MAF: variants seen among roughly 807,000 people sequenced by gnomAD.
MAF encodes the protein transcription factor Maf.
Under a neutral mutation model 22.0 loss-of-function variants are expected in MAF, and 10 were observed. That is an observed-to-expected ratio of 0.45 (90% CI 0.28 to 0.77). The LOEUF (loss-of-function observed/expected upper bound fraction) is 0.77. MAF is among the 30% of genes least tolerant of loss of function. The probability of loss-of-function intolerance (pLI) is 0.12; values close to 1 mark genes in which losing one functional copy is unlikely to be tolerated. For synonymous variants in MAF, 337 were observed against 255.8 expected (o/e 1.32, Z -3.03); for missense variants, 544 against 548.4 (o/e 0.99, Z 0.08).
chr16:79,218,460 T>C, the MAF span, among the ~76,000 whole-genome samples: 1 of 152,238 alleles, frequency 6.6e-6, no homozygotes, highest in Non-Finnish European at 1.5e-5. Flanking sequence ...TTGTAGAGCG[T>C]AGAACTGGAG....
rs1597842796 is a variant in MAF at position 79,595,729 on chromosome 16, T to A, written c.1119-1176A>T. On this transcript the variant is annotated intron_variant, in intron 1 of 1. Coordinates refer to ENST00000326043, the MANE Select transcript of MAF (RefSeq NM_005360.5). ...AGCCTATATTCCACACAGGTATTAT[T>A]TTTTGCTTTTATTTCTGGGGATAGC... The A allele has an allele frequency of 5.7e-6, 6 of 1,057,296 alleles. No individual in the cohort carries two copies. In the South Asian group the frequency reaches 2.7e-4, roughly 48 times the overall value. The allele number at this position is 1,057,296 out of a possible 1,614,324, so 65.5% of individuals were successfully genotyped here.
At chr16:79,392,145 GGAGAGA>G in the MAF span, among the ~76,000 whole-genome samples, 2 of 148,626 alleles carry the variant, frequency 1.3e-5, no homozygotes, top group Non-Finnish European at 3.0e-5. Flanking sequence ...CTGGGGAGGG[GGAGAGA>G]GAGTGAAGGA....
At chr16:79,362,330 G>C in the MAF span, among the ~76,000 whole-genome samples, 1 of 152,184 alleles carries the variant, frequency 6.6e-6, no homozygotes. Context: ...TTTAGTAACA[G>C]TATTGCTCTC....
chr16:79,309,795 C>T, the MAF span, among the ~76,000 whole-genome samples: 1 of 152,144 alleles, frequency 6.6e-6, no homozygotes, highest in Admixed American at 6.5e-5. Flanking sequence ...TAAACAAAAC[C>T]GGAAGAGCAA....
the MAF span, among the ~76,000 whole-genome samples, chr16:79,511,815 C>T: frequency 1.3e-5 from 2 of 152,200 alleles, no homozygotes; most frequent in Non-Finnish European, 1.5e-5. Context: ...CACACTAGAA[C>T]CAACATTGGA....
the MAF span, among the ~76,000 whole-genome samples, chr16:79,461,746 C>T: frequency 6.6e-6 from 1 of 152,124 alleles, no homozygotes; most frequent in Admixed American, 6.5e-5. Context: ...ACCACATGTG[C>T]CCATGTGGTT....
the MAF span, among the ~76,000 whole-genome samples, chr16:79,243,366 A>G: frequency 6.6e-6 from 1 of 152,006 alleles, no homozygotes; most frequent in African/African-American, 2.4e-5. Context: ...AATTGCAATA[A>G]AAAATGAAAA....
chr16:79,442,117 A>T, the MAF span, among the ~76,000 whole-genome samples: 1 of 152,234 alleles, frequency 6.6e-6, no homozygotes, highest in Admixed American at 6.5e-5. Flanking sequence ...TTGATTTCAG[A>T]CTTGCAGCCT....
the MAF span, among the ~76,000 whole-genome samples, chr16:79,492,221 C>T: frequency 1.3e-5 from 2 of 152,106 alleles, no homozygotes; most frequent in African/African-American, 2.4e-5. Flanking sequence ...AGAATGCAGG[C>T]AGGGAGGCAT....
At chr16:79,254,653 C>T in the MAF span, among the ~76,000 whole-genome samples, 3 of 152,286 alleles carry the variant, frequency 2.0e-5, no homozygotes, top group South Asian at 6.2e-4. Context: ...TCTGCTTCTT[C>T]TAACTGGTCT....
At chr16:79,532,779 C>A in the MAF span, among the ~76,000 whole-genome samples, 110 of 152,292 alleles carry the variant, frequency 7.2e-4, no homozygotes, top group African/African-American at 2.4e-3. Context: ...ATAAAAATAA[C>A]ACAAAAGAAT....
chr16:79,333,195 C>T, the MAF span, among the ~76,000 whole-genome samples: 38 of 152,226 alleles, frequency 2.5e-4, no homozygotes, highest in South Asian at 3.1e-3. Context: ...CTCTTTGGCT[C>T]GCTGGACCAG....
chr16:79,394,038 A>C, the MAF span, among the ~76,000 whole-genome samples: 1 of 152,194 alleles, frequency 6.6e-6, no homozygotes, highest in Admixed American at 6.5e-5. Flanking sequence ...ACAGAAGAGG[A>C]GACGAACGCT....
chr16:79,375,492 AATGATGGTG>A, the MAF span, among the ~76,000 whole-genome samples: 1 of 152,152 alleles, frequency 6.6e-6, no homozygotes, highest in African/African-American at 2.4e-5. Context: ...TGATGAAGAT[AATGATGGTG>A]ATGATGATGA....
chr16:79,553,682 C>A, the MAF span, among the ~76,000 whole-genome samples: 34 of 152,232 alleles, frequency 2.2e-4, 1 homozygote, highest in Admixed American at 2.0e-4. Context: ...TCTCAGTGTT[C>A]TTTCCTCTGT....
the MAF span, among the ~76,000 whole-genome samples, chr16:79,336,954 G>GA: frequency 1.3e-5 from 2 of 151,996 alleles, no homozygotes; most frequent in African/African-American, 4.8e-5. Flanking sequence ...TTAAAGCAAG[G>GA]AAAAAATAAA....
At chr16:79,547,920 T>TAGAGAG in the MAF span, among the ~76,000 whole-genome samples, 17 of 120,982 alleles carry the variant, frequency 1.4e-4, no homozygotes, top group Middle Eastern at 3.7e-3. Flanking sequence ...GAGAGAGAGA[T>TAGAGAG]AGAGAGAGAG....
At chr16:79,249,428 A>G in the MAF span, among the ~76,000 whole-genome samples, 1 of 151,718 alleles carries the variant, frequency 6.6e-6, no homozygotes, top group South Asian at 2.1e-4. Context: ...CAAAAAAAAA[A>G]AAAAAAAAAG....
At chr16:79,450,140 G>C in the MAF span, among the ~76,000 whole-genome samples, 2 of 152,078 alleles carry the variant, frequency 1.3e-5, no homozygotes, top group South Asian at 2.1e-4. Context: ...TAAAATCATC[G>C]TGTCATCTCA....
Sources: gnomAD v4.1 joint callset for allele counts (sites outside exome capture counted in the v4.1 genomes callset) on GRCh38, gnomAD v4.1.1 for gene constraint, MANE v1.5 for transcripts, NCBI Gene and HGNC (gene_info 2026-07-23, HGNC 2026-07-21) for gene names.